SPATA6L: variants seen among roughly 807,000 people sequenced by gnomAD.
SPATA6L encodes the protein spermatogenesis associated 6 like.
Under a neutral mutation model 49.2 loss-of-function variants are expected in SPATA6L, and 68 were observed. The ratio of observed to expected loss-of-function variants is 1.38; its 90% CI spans 1.14 to 1.69. The LOEUF (loss-of-function observed/expected upper bound fraction) is 1.69, where lower values mean the gene tolerates loss of function less well. Among genes scored for constraint, SPATA6L ranks in the 40% most tolerant of loss-of-function variants. The pLI is 0.00. For synonymous variants in SPATA6L, 198 were observed against 165.7 expected, an observed-to-expected ratio of 1.19 and a Z score of -1.50; for missense variants, 668 against 464.3, an observed-to-expected ratio of 1.44 and a Z score of -4.03.
chr9:4,665,139 T>G (rs1840676692), intron 1 of SPATA6L: 1 of 167,126 alleles, frequency 6.0e-6, no homozygotes, highest in South Asian at 2.1e-4. Context: ...GCATAGATCA[T>G]TTCACCTGAT....
At chr9:4,626,429 C>G in intron 5 of SPATA6L, 1 of 1,304,122 alleles carries the variant, frequency 7.7e-7, no homozygotes, top group Non-Finnish European at 1.0e-6. Context: ...GTCCCACCTT[C>G]GAATTCCTGA....
intron 3 of SPATA6L, among the ~76,000 whole-genome samples, chr9:4,639,311 T>A (rs904839874): frequency 6.6e-6 from 1 of 152,212 alleles, no homozygotes; most frequent in Non-Finnish European, 1.5e-5. Context: ...TCCTTTCATA[T>A]GCTTTTGGCT....
chr9:4,613,265 T>C (rs1827200540), intron 9 of SPATA6L, among the ~76,000 whole-genome samples: 2 of 151,676 alleles, frequency 1.3e-5, no homozygotes, highest in African/African-American at 4.8e-5. Context: ...AGAAAATGAT[T>C]CTCTTTAATT....
At chr9:4,605,033 A>T (rs1288126606) in intron 10 of SPATA6L, among the ~76,000 whole-genome samples, 1 of 152,088 alleles carries the variant, frequency 6.6e-6, no homozygotes, top group African/African-American at 2.4e-5. Flanking sequence ...TCTGTGGGCC[A>T]CTTAGCCTGT....
At chr9:4,615,809 C>G (rs1038733109) in intron 9 of SPATA6L, among the ~76,000 whole-genome samples, 1 of 152,170 alleles carries the variant, frequency 6.6e-6, no homozygotes, top group Non-Finnish European at 1.5e-5. Context: ...TCAATACAGT[C>G]TCTCAGAAAA....
At chr9:4,645,815 T>C (rs951314575) in intron 3 of SPATA6L, among the ~76,000 whole-genome samples, 4 of 152,094 alleles carry the variant, frequency 2.6e-5, no homozygotes, top group African/African-American at 9.7e-5. Context: ...ATAGAATTAG[T>C]GGTGGCCAGG....
At chr9:4,637,448 G>A (rs73393851) in intron 3 of SPATA6L, among the ~76,000 whole-genome samples, 2,215 of 152,154 alleles carry the variant, frequency 0.015, 55 homozygotes, top group African/African-American at 0.051. Flanking sequence ...GTATTTATTC[G>A]TGATCTGCTT....
intron 9 of SPATA6L, among the ~76,000 whole-genome samples, chr9:4,609,390 T>A (rs10974650): frequency 0.064 from 9,730 of 152,072 alleles, 1,067 homozygotes; most frequent in African/African-American, 0.22. Flanking sequence ...TGATGCAAAA[T>A]TCCCCAAAAA....
rs548522727 is a variant in SPATA6L, at chr9:4,649,856, A to G, written c.226+6185T>C. Among the ~76,000 whole-genome samples, 5 of 152,336 alleles carry G rather than the reference A, an allele frequency of 3.3e-5. No homozygotes were observed. In the East Asian group the frequency reaches 7.7e-4, roughly 24 times the overall value. ...TGGGAAATGAAATGAAAATATCCCA[A>G]TTCTTGCAGGATCATTTGAAATGCT... On this transcript the variant is annotated intron_variant, in intron 3 of 11. Transcript: ENST00000682582.
intron 9 of SPATA6L, among the ~76,000 whole-genome samples, chr9:4,611,415 T>C (rs1826680056): frequency 6.7e-6 from 1 of 148,994 alleles, no homozygotes; most frequent in African/African-American, 2.6e-5. Context: ...CCAAGAATGA[T>C]AGACTGGATT....
At chr9:4,642,916 G>T (rs1455416962) in intron 3 of SPATA6L, among the ~76,000 whole-genome samples, 1 of 151,920 alleles carries the variant, frequency 6.6e-6, no homozygotes, top group East Asian at 1.9e-4. Context: ...TCATAATATG[G>T]GAAAATGAAA....
chr9:4,595,756 C>G (rs954838391), downstream of SPATA6L, among the ~76,000 whole-genome samples: 1 of 152,172 alleles, frequency 6.6e-6, no homozygotes, highest in African/African-American at 2.4e-5. Flanking sequence ...GGTACATAAT[C>G]AGATACTGCC....
At chr9:4,608,853 A>G (rs1454731869) in intron 9 of SPATA6L, among the ~76,000 whole-genome samples, 1 of 152,204 alleles carries the variant, frequency 6.6e-6, no homozygotes, top group Non-Finnish European at 1.5e-5. Flanking sequence ...TAATGAATCC[A>G]GGATCTGGTT....
Position 4,629,074 on chromosome 9 carries a change from A to T in SPATA6L, c.429+17T>A. 6.4e-7 allele frequency: 1 copy of T among 1,555,930 alleles called. No homozygotes were observed. The highest frequency in any genetic ancestry group is 8.8e-7 in the Non-Finnish European group (1 of 1,139,528). On this transcript the variant is annotated intron_variant, in intron 5 of 11. Coordinates refer to ENST00000682582, the MANE Select transcript of SPATA6L (RefSeq NM_001353486.2). Reference sequence around the variant, plus strand: ...AAAATCCGGTCATTTCTATCACTAGATTTGTATTGTACTTACAAGAAATCT... The same window carrying T: ...AAAATCCGGTCATTTCTATCACTAGTTTTGTATTGTACTTACAAGAAATCT...
chr9:4,595,367 A>C (rs943497808), downstream of SPATA6L, among the ~76,000 whole-genome samples: 1 of 152,080 alleles, frequency 6.6e-6, no homozygotes, highest in African/African-American at 2.4e-5. Context: ...CTATTGCCCT[A>C]ATTTTCAGAC....
In SPATA6L at chr9:4,662,220, A is replaced by G. The variant is rs1452451683; in HGVS notation, c.40-184T>C. ...TGCTCTCCTCACATTGGAAATTCCA[A>G]CTCCCTCCCACGTCTCCACCAGGTG... On this transcript the variant is annotated intron_variant, in intron 1 of 11. Transcript: ENST00000682582. This position sits in a 1 kb window ranked among gnomAD's most constrained non-coding sequence, Gnocchi z 4.9. 7.0e-7 allele frequency: 1 copy of G among 1,423,390 alleles called. No homozygotes were observed. Among genetic ancestry groups the G allele is most frequent in the South Asian group, 1.5e-5 (1 of 65,732 alleles). 88.2% of individuals were successfully genotyped at this position (1,423,390 alleles called of 1,614,324 possible).
At chr9:4,607,510 A>C (rs1825593523) in intron 9 of SPATA6L, among the ~76,000 whole-genome samples, 1 of 152,184 alleles carries the variant, frequency 6.6e-6, no homozygotes, top group African/African-American at 2.4e-5. Context: ...AAAGAAAAGA[A>C]TTTTCAACCC....
chr9:4,635,033 T>A (rs1832501815), intron 4 of SPATA6L, among the ~76,000 whole-genome samples: 1 of 152,236 alleles, frequency 6.6e-6, no homozygotes, highest in Admixed American at 6.5e-5. Context: ...GAGGCTTTTA[T>A]AACTATGTGA....
At chr9:4,630,164 G>T (rs948178065) in intron 4 of SPATA6L, among the ~76,000 whole-genome samples, 1 of 152,052 alleles carries the variant, frequency 6.6e-6, no homozygotes, top group Admixed American at 6.6e-5. Context: ...TGCCTATAAA[G>T]GGGTAACATG....
Sources: gnomAD v4.1 joint callset for allele counts (sites outside exome capture counted in the v4.1 genomes callset) on GRCh38, gnomAD v4.1.1 for gene constraint, Gnocchi (gnomAD v3.1) non-coding constraint, MANE v1.5 for transcripts, NCBI Gene and HGNC (gene_info 2026-07-23, HGNC 2026-07-21) for gene names.